PRKAG2: variants seen among roughly 807,000 people sequenced by gnomAD.
The protein encoded by PRKAG2 is protein kinase AMP-activated non-catalytic subunit gamma 2, also known as 5'-AMP-activated protein kinase subunit gamma-2.
A neutral mutation model predicts 69.6 loss-of-function variants in PRKAG2; 26 were observed. The ratio of observed to expected loss-of-function variants is 0.37; its 90% CI spans 0.27 to 0.52. The LOEUF is 0.52. Among genes scored for constraint, PRKAG2 ranks in the 20% least tolerant of loss-of-function variants. The pLI, the probability that PRKAG2 is intolerant of heterozygous loss-of-function variation, is 0.90. For synonymous variants in PRKAG2, 293 were observed against 285.0 expected, an observed-to-expected ratio of 1.03 and a Z score of -0.28; for missense variants, 557 against 740.0, an observed-to-expected ratio of 0.75 and a Z score of 2.87.
chr7:151,844,162 T>C (rs2079375191), intron 1 of PRKAG2, among the ~76,000 whole-genome samples: 1 of 152,158 alleles, frequency 6.6e-6, no homozygotes, highest in Admixed American at 6.5e-5. Flanking sequence ...GCTGCAGAGA[T>C]AGAGAAAGAG....
intron 4 of PRKAG2, among the ~76,000 whole-genome samples, chr7:151,648,715 A>G (rs1827963178): frequency 6.6e-6 from 1 of 152,190 alleles, no homozygotes; most frequent in Non-Finnish European, 1.5e-5. Flanking sequence ...ATAATAGTTT[A>G]CTTTAAAATG....
At chr7:151,695,751 A>G (rs1443140957) in intron 3 of PRKAG2, among the ~76,000 whole-genome samples, 2 of 152,114 alleles carry the variant, frequency 1.3e-5, no homozygotes, top group Non-Finnish European at 2.9e-5. Flanking sequence ...AGGTGTGCTT[A>G]AAGCCGGCTC....
intron 1 of PRKAG2, among the ~76,000 whole-genome samples, chr7:151,799,260 A>G (rs2077703863): frequency 6.6e-6 from 1 of 152,228 alleles, no homozygotes; most frequent in Non-Finnish European, 1.5e-5. Flanking sequence ...TGACTCAGCC[A>G]GAACCAAATC....
At chr7:151,849,536 G>T (rs1028733206) in intron 1 of PRKAG2, among the ~76,000 whole-genome samples, 1 of 152,184 alleles carries the variant, frequency 6.6e-6, no homozygotes, top group Non-Finnish European at 1.5e-5. Context: ...CACACACGGG[G>T]TCTTAGAACA....
chr7:151,730,365 G>A (rs1798734472), intron 3 of PRKAG2, among the ~76,000 whole-genome samples: 1 of 152,198 alleles, frequency 6.6e-6, no homozygotes, highest in East Asian at 1.9e-4. Context: ...CCCTACTTCT[G>A]TATTCTTTCG....
At chr7:151,859,261 C>T (rs1033548519) in intron 1 of PRKAG2, among the ~76,000 whole-genome samples, 4 of 152,230 alleles carry the variant, frequency 2.6e-5, no homozygotes, top group Non-Finnish European at 4.4e-5. Context: ...CGGCGTCAGA[C>T]GGGGCGGGGC....
chr7:151,737,784 T>C (rs866263092), intron 3 of PRKAG2, among the ~76,000 whole-genome samples: 4 of 152,200 alleles, frequency 2.6e-5, no homozygotes, highest in Non-Finnish European at 4.4e-5. Context: ...GAGATAAAGA[T>C]GGCTCCACAC....
At chr7:151,727,601 C>T (rs1239889853) in intron 3 of PRKAG2, among the ~76,000 whole-genome samples, 1 of 152,214 alleles carries the variant, frequency 6.6e-6, no homozygotes, top group Non-Finnish European at 1.5e-5. Flanking sequence ...GGACATCCCT[C>T]CTCAGGGTCA....
chr7:151,804,297 T>C (rs1219188803), intron 1 of PRKAG2, among the ~76,000 whole-genome samples: 1 of 152,206 alleles, frequency 6.6e-6, no homozygotes, highest in African/African-American at 2.4e-5. Flanking sequence ...ATTAATACAA[T>C]AAAAACTTGG....
intron 5 of PRKAG2, among the ~76,000 whole-genome samples, chr7:151,612,685 C>T (rs993953808): frequency 2.0e-5 from 3 of 152,252 alleles, no homozygotes; most frequent in Non-Finnish European, 4.4e-5. Flanking sequence ...TGCCTGCTCA[C>T]CTTCATAGTG....
Position 151,850,149 on chromosome 7 carries a change from G to A in PRKAG2, c.114+26358C>T, listed in dbSNP as rs1324314935. On this transcript the variant is annotated intron_variant, in intron 1 of 15. Coordinates refer to ENST00000287878, the MANE Select transcript of PRKAG2 (RefSeq NM_016203.4). The surrounding 1 kb of genome is among the most constrained non-coding windows in gnomAD (Gnocchi z 4.1). ...TGGCTCAGTGTCTGCAGAAAGAAGC[G>A]GGAGGGGGGTGCAGGGGAACCGTAG... 1.3e-5 allele frequency among the ~76,000 whole-genome samples: 2 copies of A among 152,164 alleles called. No homozygotes were observed. Among genetic ancestry groups the A allele is most frequent in the African/African-American group, 2.4e-5 (1 of 41,436 alleles).
At position 151,632,259 on chromosome 7, in the gene PRKAG2, G is replaced by GGCAGGGGACGCGGGCA. The variant is rs1224338788; in HGVS notation, c.685-137_685-122dup. ...GCCGCGCCGCCGGGAGGAGGGGCCT[G>GGCAGGGGACGCGGGCA]GCAGGGGACGCGGGCAGCGGGGGCC... is the stretch of plus-strand genomic sequence containing the variant. On this transcript the variant is annotated intron_variant, in intron 4 of 15. Coordinates refer to ENST00000287878, the MANE Select transcript of PRKAG2 (RefSeq NM_016203.4). This position sits in a 1 kb window ranked among gnomAD's most constrained non-coding sequence, Gnocchi z 4.2. 984 of 1,047,158 alleles carry GGCAGGGGACGCGGGCA rather than the reference G, an allele frequency of 9.4e-4. No individual in the cohort carries two copies. Among genetic ancestry groups the GGCAGGGGACGCGGGCA allele is most frequent in the Non-Finnish European group, 1.1e-3 (934 of 870,530 alleles). 64.9% of individuals were successfully genotyped at this position (1,047,158 alleles called of 1,614,324 possible). A position where few individuals can be genotyped will look rare whatever the true frequency, so the allele number is the denominator to read the frequency against.
intron 5 of PRKAG2, among the ~76,000 whole-genome samples, chr7:151,623,679 A>G (rs1822110200): frequency 6.6e-6 from 1 of 152,192 alleles, no homozygotes; most frequent in Non-Finnish European, 1.5e-5. Flanking sequence ...CATATGAAGA[A>G]ACCAAAGCTT....
intron 4 of PRKAG2, among the ~76,000 whole-genome samples, chr7:151,637,848 G>T (rs771950964): frequency 1.3e-5 from 2 of 152,066 alleles, no homozygotes; most frequent in Non-Finnish European, 2.9e-5. Flanking sequence ...GGTGGTCGTC[G>T]TTGCCCTTTT....
chr7:151,795,075 G>C (rs546595548), intron 1 of PRKAG2, among the ~76,000 whole-genome samples: 1 of 152,340 alleles, frequency 6.6e-6, no homozygotes, highest in South Asian at 2.1e-4. Flanking sequence ...GCCTCTTACA[G>C]GCAGCTGCTC....
intron 1 of PRKAG2, among the ~76,000 whole-genome samples, chr7:151,866,610 T>C (rs971824030): frequency 6.6e-6 from 1 of 152,156 alleles, no homozygotes; most frequent in Non-Finnish European, 1.5e-5. Context: ...GTATCTAGGT[T>C]GCATGGAGGA....
chr7:151,852,751 A>G (rs1267936404), intron 1 of PRKAG2, among the ~76,000 whole-genome samples: 1 of 152,066 alleles, frequency 6.6e-6, no homozygotes, highest in Non-Finnish European at 1.5e-5. Flanking sequence ...GAGACCGGAG[A>G]GGCCAGGGGT....
rs1403091066 is a variant in PRKAG2 at position 151,756,619 on chromosome 7, C to A, written c.466+24533G>T. Among the ~76,000 whole-genome samples, 2 of 152,198 alleles carry A rather than the reference C, an allele frequency of 1.3e-5. No individual in the cohort carries two copies. The highest frequency in any genetic ancestry group is 4.8e-5 in the African/African-American group (2 of 41,462). On this transcript the variant is annotated intron_variant, in intron 3 of 15. Coordinates refer to ENST00000287878, the MANE Select transcript of PRKAG2 (RefSeq NM_016203.4). This position sits in a 1 kb window ranked among gnomAD's most constrained non-coding sequence, Gnocchi z 4.9. ...GGGCAACATCTGACCATAGCTACAG[C>A]CCCTTTGGCTCCCGTTCCTGCCAGA...
At position 151,785,215 on chromosome 7, in the gene PRKAG2, C is replaced by T. The variant is rs73728295; in HGVS notation, c.186+1255G>A. On this transcript the variant is annotated intron_variant, in intron 2 of 15. Coordinates refer to ENST00000287878, the MANE Select transcript of PRKAG2 (RefSeq NM_016203.4). ...TGTCATGCAGCTGCCAGAGAGGAAG[C>T]TGGGGCCAGGGCCTGGCTGTGGCCC... Among the ~76,000 whole-genome samples, 691 of 152,388 alleles carry T rather than the reference C, an allele frequency of 4.5e-3. 6 individuals carry two copies. Among genetic ancestry groups the T allele is most frequent in the African/African-American group, 0.016 (655 of 41,596 alleles).
Sources: gnomAD v4.1 joint callset for allele counts (sites outside exome capture counted in the v4.1 genomes callset) on GRCh38, gnomAD v4.1.1 for gene constraint, Gnocchi (gnomAD v3.1) non-coding constraint, MANE v1.5 for transcripts, NCBI Gene and HGNC (gene_info 2026-07-23, HGNC 2026-07-21) for gene names.